FILIP1L: variants seen among roughly 807,000 people sequenced by gnomAD.
FILIP1L encodes the protein filamin A-interacting protein 1-like.
Under a neutral mutation model 96.6 loss-of-function variants are expected in FILIP1L, and 55 were observed. The ratio of observed to expected loss-of-function variants is 0.57; its 90% CI spans 0.46 to 0.71. FILIP1L has a LOEUF of 0.71. FILIP1L is among the 30% of genes least tolerant of loss of function. FILIP1L has a pLI of 0.00. For missense variants in FILIP1L, 1,304 were observed against 1,321.2 expected, an observed-to-expected ratio of 0.99 and a Z score of 0.20; for synonymous variants, 467 against 473.9, an observed-to-expected ratio of 0.99 and a Z score of 0.19.
intron 1 of FILIP1L, chr3:100,023,597 G>C (rs980100986): frequency 1.4e-4 from 22 of 152,472 alleles, no homozygotes; most frequent in African/African-American, 5.1e-4. Flanking sequence ...TTTTATTTTT[G>C]CTTGGGCTGT....
intron 4 of FILIP1L, among the ~76,000 whole-genome samples, chr3:99,901,824 A>G (rs767499390): frequency 6.6e-6 from 1 of 152,150 alleles, no homozygotes; most frequent in Non-Finnish European, 1.5e-5. Context: ...CAACACACAC[A>G]CATACACACA....
intron 1 of FILIP1L, among the ~76,000 whole-genome samples, chr3:100,092,644 G>A (rs1484456132): frequency 3.4e-5 from 5 of 147,152 alleles, no homozygotes; most frequent in East Asian, 2.0e-4. Flanking sequence ...CTAGAATAAC[G>A]CCTGGTATCT....
At chr3:99,907,399 C>A (rs1301970054) in intron 4 of FILIP1L, among the ~76,000 whole-genome samples, 4 of 152,132 alleles carry the variant, frequency 2.6e-5, no homozygotes, top group Admixed American at 2.6e-4. Context: ...AGGCGCCCAC[C>A]ACCACGCCCA....
At chr3:99,895,089 C>T (rs1239452292) in intron 4 of FILIP1L, among the ~76,000 whole-genome samples, 2 of 152,124 alleles carry the variant, frequency 1.3e-5, no homozygotes, top group Admixed American at 6.5e-5. Flanking sequence ...TGCCATCCTT[C>T]GAACAGGGTG....
chr3:100,036,349 C>T (rs1559734478), intron 1 of FILIP1L, among the ~76,000 whole-genome samples: 1 of 152,074 alleles, frequency 6.6e-6, no homozygotes, highest in Non-Finnish European at 1.5e-5. Flanking sequence ...TTTCATGCCA[C>T]GATGTTAGGA....
At chr3:100,083,679 C>T in intron 1 of FILIP1L, among the ~76,000 whole-genome samples, 1 of 152,160 alleles carries the variant, frequency 6.6e-6, no homozygotes, top group East Asian at 1.9e-4. Context: ...TTAGAATAAT[C>T]AGTCTTAACT....
intron 4 of FILIP1L, among the ~76,000 whole-genome samples, chr3:99,920,703 C>T (rs1280849092): frequency 6.6e-6 from 1 of 151,094 alleles, no homozygotes; most frequent in African/African-American, 2.4e-5. Context: ...TTACTGATTA[C>T]GACAGCGACA....
intron 1 of FILIP1L, among the ~76,000 whole-genome samples, chr3:100,067,556 G>A (rs1302907155): frequency 2.0e-5 from 3 of 152,148 alleles, no homozygotes; most frequent in African/African-American, 7.2e-5. Context: ...TCTGAATTTT[G>A]CAGATTTGAT....
At chr3:100,098,773 G>T (rs1186299061) in intron 1 of FILIP1L, among the ~76,000 whole-genome samples, 2 of 152,082 alleles carry the variant, frequency 1.3e-5, no homozygotes, top group African/African-American at 4.8e-5. Context: ...CCATTAGCAA[G>T]GATCTGTTTT....
chr3:99,974,997 A>G (rs1708927211), intron 1 of FILIP1L, among the ~76,000 whole-genome samples: 1 of 152,186 alleles, frequency 6.6e-6, no homozygotes, highest in African/African-American at 2.4e-5. Context: ...TCATTAAGAC[A>G]CATTTATGAC....
At chr3:99,876,303 C>T in intron 4 of FILIP1L, 1 of 653,632 alleles carries the variant, frequency 1.5e-6, no homozygotes, top group Non-Finnish European at 1.9e-6. Flanking sequence ...GGCGGCGGCG[C>T]AGCCACACAC....
In FILIP1L at chr3:99,849,277, ACTT is replaced by A. The variant is rs1319933294; in HGVS notation, c.2396_2398del (p.Glu799del). 2.5e-6 allele frequency: 4 copies of A among 1,614,098 alleles called. No homozygotes were observed. Among genetic ancestry groups the A allele is most frequent in the South Asian group, 1.1e-5 (1 of 91,072 alleles). ...TTCATTGTCTACTGCTTCTGTCTGAACTTCTTTAGAAAATACTTGAGGATCGGA... is the reference window on the plus strand; with the variant it reads ...TTCATTGTCTACTGCTTCTGTCTGAACTTTAGAAAATACTTGAGGATCGGA... On this transcript the variant is annotated inframe_deletion, in exon 5 of 6. Transcript: ENST00000477258.
intron 1 of FILIP1L, among the ~76,000 whole-genome samples, chr3:100,063,944 C>T (rs2065616644): frequency 6.6e-6 from 1 of 152,206 alleles, no homozygotes; most frequent in Non-Finnish European, 1.5e-5. Context: ...GTCAGGAGTA[C>T]ATACCGTCAG....
chr3:99,842,060 A>G (rs896558565), intron 5 of FILIP1L, among the ~76,000 whole-genome samples: 6 of 152,304 alleles, frequency 3.9e-5, no homozygotes, highest in South Asian at 2.1e-4. Context: ...ACAATTCGCA[A>G]TTGCAAAAAT....
chr3:100,033,203 TA>T (rs1325916076), intron 1 of FILIP1L, among the ~76,000 whole-genome samples: 1 of 152,218 alleles, frequency 6.6e-6, no homozygotes, highest in Non-Finnish European at 1.5e-5. Context: ...AAAATCAAAC[TA>T]ATTGTGCCTT....
intron 4 of FILIP1L, among the ~76,000 whole-genome samples, chr3:99,905,317 A>C (rs1706578948): frequency 1.3e-5 from 2 of 152,098 alleles, no homozygotes. Context: ...CCATGTGTGC[A>C]CTTACTCCTA....
chr3:99,866,923 T>C (rs537028993), intron 4 of FILIP1L, among the ~76,000 whole-genome samples: 1 of 152,342 alleles, frequency 6.6e-6, no homozygotes, highest in African/African-American at 2.4e-5. Context: ...AAATTAAAAT[T>C]ATTTTGGTTA....
At chr3:99,870,188 AT>A (rs1399524710) in intron 4 of FILIP1L, among the ~76,000 whole-genome samples, 1 of 151,970 alleles carries the variant, frequency 6.6e-6, no homozygotes, top group African/African-American at 2.4e-5. Flanking sequence ...CCTTTTTGTA[AT>A]TTGTAGAAAC....
intron 5 of FILIP1L, among the ~76,000 whole-genome samples, chr3:99,835,736 A>G (rs959764913): frequency 1.2e-4 from 18 of 152,240 alleles, no homozygotes; most frequent in African/African-American, 2.9e-4. Context: ...AGATGATAGC[A>G]TAGGAGGGGT....
Sources: gnomAD v4.1 joint callset for allele counts (sites outside exome capture counted in the v4.1 genomes callset) on GRCh38, gnomAD v4.1.1 for gene constraint, MANE v1.5 for transcripts, NCBI Gene and HGNC (gene_info 2026-07-23, HGNC 2026-07-21) for gene names.